FRMPD2: variants seen among roughly 807,000 people sequenced by gnomAD.
The protein encoded by FRMPD2 is FERM and PDZ domain containing 2, also known as FERM and PDZ domain-containing protein 2.
In FRMPD2, 96 loss-of-function variants were observed where a neutral mutation model predicts 140.1. The observed-to-expected ratio is 0.69, with a 90% CI of 0.58 to 0.81. The LOEUF is 0.81. FRMPD2 is among the 40% of genes least tolerant of loss of function. The pLI is 0.00. For synonymous variants in FRMPD2, 449 were observed against 547.6 expected, an observed-to-expected ratio of 0.82 and a Z score of 2.52; for missense variants, 1,240 against 1,447.4, an observed-to-expected ratio of 0.86 and a Z score of 2.32.
intron 21 of FRMPD2, among the ~76,000 whole-genome samples, chr10:48,180,530 G>A (rs1439539161): frequency 6.2e-4 from 94 of 151,978 alleles, no homozygotes; most frequent in Admixed American, 1.4e-3. Context: ...ATTATAATTA[G>A]TGACTAAAGA....
intron 15 of FRMPD2, among the ~76,000 whole-genome samples, chr10:48,197,031 A>G (rs909977533): frequency 6.6e-6 from 1 of 152,240 alleles, no homozygotes; most frequent in African/African-American, 2.4e-5. Context: ...TACATTTGTC[A>G]TCTCCAGCTC....
At chr10:48,263,210 T>G (rs1260494329) in intron 1 of FRMPD2, among the ~76,000 whole-genome samples, 1 of 152,104 alleles carries the variant, frequency 6.6e-6, no homozygotes, top group Non-Finnish European at 1.5e-5. Flanking sequence ...TATATTAGAA[T>G]AGAAGAAAGA....
At chr10:48,216,621 C>A (rs1452874445) in intron 12 of FRMPD2, among the ~76,000 whole-genome samples, 1 of 152,160 alleles carries the variant, frequency 6.6e-6, no homozygotes, top group Non-Finnish European at 1.5e-5. Flanking sequence ...CACTATAATG[C>A]TGGAGGAGGT....
intron 16 of FRMPD2, among the ~76,000 whole-genome samples, chr10:48,188,155 C>T (rs1397551520): frequency 6.6e-6 from 1 of 152,134 alleles, no homozygotes; most frequent in Non-Finnish European, 1.5e-5. Flanking sequence ...CCAGACTGAC[C>T]CCCACCCCTC....
rs146525168 is a variant in FRMPD2, at chr10:48,252,106, C to A, written c.26-415G>T. On this transcript the variant is annotated intron_variant, in intron 1 of 28. Transcript: ENST00000374201. ...AGAAGTTAGCTAACATTTTTGCCTG[C>A]AGTACGTGATTCACATCTTTCATCT... Among the ~76,000 whole-genome samples, 113 of 152,260 alleles carry A rather than the reference C, an allele frequency of 7.4e-4. 1 individual carries two copies. The East Asian group carries it at 0.017, about 23-fold the overall frequency.
chr10:48,174,535 G>A (rs1483709045), intron 24 of FRMPD2, among the ~76,000 whole-genome samples: 1 of 151,816 alleles, frequency 6.6e-6, no homozygotes, highest in African/African-American at 2.4e-5. Flanking sequence ...CAGCGGGGCT[G>A]GGGCAGCCAG....
intron 1 of FRMPD2, among the ~76,000 whole-genome samples, chr10:48,261,038 G>A (rs1214854281): frequency 6.6e-6 from 1 of 152,132 alleles, no homozygotes; most frequent in African/African-American, 2.4e-5. Flanking sequence ...CAGTAGATTA[G>A]ACACCTTCAA....
At chr10:48,194,321 T>C (rs966717647) in intron 15 of FRMPD2, among the ~76,000 whole-genome samples, 1 of 152,122 alleles carries the variant, frequency 6.6e-6, no homozygotes, top group Non-Finnish European at 1.5e-5. Flanking sequence ...CACACTCAAA[T>C]CTGCAGACTC....
At chr10:48,207,140 CT>C (rs72320753) in intron 13 of FRMPD2, among the ~76,000 whole-genome samples, 535 of 141,120 alleles carry the variant, frequency 3.8e-3, no homozygotes, top group Non-Finnish European at 4.9e-3. Context: ...TAGAATTTTC[CT>C]TTTTTTTTTT....
chr10:48,245,214 G>A lies in FRMPD2; in HGVS notation c.310-365C>T, dbSNP rs78744067. Among the ~76,000 whole-genome samples the A allele has an allele frequency of 6.8e-3, 1,040 of 152,250 alleles. 11 individuals carry two copies. The highest frequency in any genetic ancestry group is 0.023 in the African/African-American group (965 of 41,534). ...TACATGGAGTCTTCGCAGCCATTCCGTGACAATGAGGCAGCAAGCATAGGA... is the reference window on the plus strand; with the variant it reads ...TACATGGAGTCTTCGCAGCCATTCCATGACAATGAGGCAGCAAGCATAGGA... On this transcript the variant is annotated intron_variant, in intron 3 of 28. Coordinates refer to ENST00000374201, the MANE Select transcript of FRMPD2 (RefSeq NM_001018071.4).
intron 20 of FRMPD2, among the ~76,000 whole-genome samples, chr10:48,181,911 C>CACACACACACAG (rs1554792733): frequency 1.4e-5 from 2 of 139,080 alleles, no homozygotes; most frequent in Non-Finnish European, 3.2e-5. Context: ...CACACACACA[C>CACACACACACAG]AGACACGCAC....
intron 13 of FRMPD2, among the ~76,000 whole-genome samples, chr10:48,210,278 T>G (rs1020443561): frequency 6.6e-6 from 1 of 152,178 alleles, no homozygotes; most frequent in Non-Finnish European, 1.5e-5. Context: ...CAAGGGAAAC[T>G]GCAAAAGCAA....
chr10:48,185,525 G>A (rs770000426), intron 18 of FRMPD2, 28 bp downstream of exon 18: 4 of 1,530,886 alleles, frequency 2.6e-6, no homozygotes, highest in Admixed American at 1.7e-5. Context: ...AGTAGAGACT[G>A]GGCCTCACCT....
intron 15 of FRMPD2, among the ~76,000 whole-genome samples, chr10:48,193,378 C>T (rs992280942): frequency 2.6e-5 from 4 of 152,146 alleles, no homozygotes; most frequent in Non-Finnish European, 5.9e-5. Flanking sequence ...GCGTAGTTTG[C>T]CCTGGTAATC....
At chr10:48,253,505 AT>A (rs568476774) in intron 1 of FRMPD2, among the ~76,000 whole-genome samples, 2 of 152,268 alleles carry the variant, frequency 1.3e-5, no homozygotes, top group East Asian at 3.9e-4. Flanking sequence ...CACTTAATGC[AT>A]TTTTTTCTAG....
At chr10:48,213,130 C>T (rs10857549) in intron 12 of FRMPD2, among the ~76,000 whole-genome samples, 38,831 of 151,988 alleles carry the variant, frequency 0.26, 6,212 homozygotes, top group African/African-American at 0.46. Context: ...GAGAAGAGCA[C>T]AGTGTCCACT....
chr10:48,225,775 A>AGTGCCCACTGGAGCCCATT (rs1839707981), intron 10 of FRMPD2, among the ~76,000 whole-genome samples: 1 of 152,234 alleles, frequency 6.6e-6, no homozygotes, highest in Non-Finnish European at 1.5e-5. Context: ...GAACACGTGC[A>AGTGCCCACTGGAGCCCATT]GTGCCCACTG....
At chr10:48,219,135 A>C (rs1839520481) in intron 12 of FRMPD2, among the ~76,000 whole-genome samples, 1 of 152,304 alleles carries the variant, frequency 6.6e-6, no homozygotes, top group Non-Finnish European at 1.5e-5. Flanking sequence ...TCAAAGGCTC[A>C]GTAACATGCC....
At chr10:48,195,783 T>C (rs1410691686) in intron 15 of FRMPD2, among the ~76,000 whole-genome samples, 1 of 152,226 alleles carries the variant, frequency 6.6e-6, no homozygotes, top group Non-Finnish European at 1.5e-5. Context: ...AAATCATCCA[T>C]TCGTTCATCA....
Sources: allele counts gnomAD v4.1 joint callset (sites outside exome capture counted in the v4.1 genomes callset), GRCh38; gene constraint gnomAD v4.1.1; transcripts MANE v1.5; gene names NCBI Gene and HGNC (gene_info 2026-07-23, HGNC 2026-07-21).